Variants in DCC observed in about 807,000 individuals in gnomAD.
The protein encoded by DCC is DCC netrin 1 receptor.
A neutral mutation model predicts 172.5 loss-of-function variants in DCC; 58 were observed. That is an observed-to-expected ratio of 0.34 (90% CI 0.27 to 0.42). The LOEUF is 0.42. DCC is among the 10% of genes least tolerant of loss of function. DCC has a pLI of 1.00. For synonymous variants in DCC, 709 were observed against 644.5 expected, an observed-to-expected ratio of 1.10 and a Z score of -1.52; for missense variants, 1,740 against 1,791.0, an observed-to-expected ratio of 0.97 and a Z score of 0.51.
intron 23 of DCC, among the ~76,000 whole-genome samples, chr18:53,456,536 A>G (rs2045485426): frequency 6.6e-6 from 1 of 152,218 alleles, no homozygotes; most frequent in Non-Finnish European, 1.5e-5. Context: ...AATACAAACA[A>G]AACCAAATAA....
At chr18:53,155,660 C>T (rs2054719403) in intron 7 of DCC, among the ~76,000 whole-genome samples, 1 of 152,202 alleles carries the variant, frequency 6.6e-6, no homozygotes, top group Non-Finnish European at 1.5e-5. Flanking sequence ...TTTTTGTTAA[C>T]TTTCATCAGC....
At position 53,484,117 on chromosome 18, in the gene DCC, T is replaced by C. The variant is rs77675767; in HGVS notation, c.3737-2680T>C. Among the ~76,000 whole-genome samples, 390 of 152,004 alleles carry C rather than the reference T, an allele frequency of 2.6e-3. 8 individuals carry two copies. The East Asian group carries it at 0.067, about 26-fold the overall frequency. ...TCCCAAATTACATGCCAAAATCACA[T>C]TGTGACTTCTTATTCTGTTATTTTT... On this transcript the variant is annotated intron_variant, in intron 25 of 28. Transcript: ENST00000442544.
In DCC at chr18:53,502,071, G is replaced by A. The variant is rs1253212061; in HGVS notation, c.4111+2561G>A. On this transcript the variant is annotated intron_variant, in intron 27 of 28. Transcript: ENST00000442544. Reference sequence around the variant, plus strand: ...CCATTCTCTGATCTAATGGCAACAAGGCAAAATCTCGTTTTCTTTTATTTT... The same window carrying A: ...CCATTCTCTGATCTAATGGCAACAAAGCAAAATCTCGTTTTCTTTTATTTT... 2.6e-5 allele frequency among the ~76,000 whole-genome samples: 4 copies of A among 151,986 alleles called. No individual in the cohort carries two copies. The South Asian group carries it at 8.3e-4, about 32-fold the overall frequency.
chr18:52,487,532 C>T (rs1036073870), intron 1 of DCC, among the ~76,000 whole-genome samples: 6 of 151,966 alleles, frequency 3.9e-5, no homozygotes, highest in East Asian at 1.9e-4. Flanking sequence ...GGAAGTAGAC[C>T]GGGCACGGTG....
chr18:52,498,628 A>G (rs1426435654), intron 1 of DCC, among the ~76,000 whole-genome samples: 2 of 152,218 alleles, frequency 1.3e-5, no homozygotes, highest in African/African-American at 4.8e-5. Flanking sequence ...TGTCTCAAAA[A>G]AACAAAAAAT....
intron 5 of DCC, among the ~76,000 whole-genome samples, chr18:52,987,550 C>T (rs770935254): frequency 4.3e-4 from 65 of 152,136 alleles, no homozygotes; most frequent in Non-Finnish European, 1.5e-4. Flanking sequence ...CATGATTAAT[C>T]TTCATCTATT....
At chr18:52,499,019 G>A (rs531061594) in intron 1 of DCC, among the ~76,000 whole-genome samples, 3 of 152,234 alleles carry the variant, frequency 2.0e-5, no homozygotes, top group African/African-American at 7.2e-5. Context: ...TTCTCTGACC[G>A]TACCACCCGG....
chr18:52,542,113 A>G (rs1023248680), intron 1 of DCC, among the ~76,000 whole-genome samples: 68 of 151,248 alleles, frequency 4.5e-4, no homozygotes, highest in African/African-American at 1.6e-3. Context: ...ACTAGGACCT[A>G]TCTTGTTATA....
chr18:52,561,823 T>G (rs1272297059), intron 1 of DCC, among the ~76,000 whole-genome samples: 2 of 152,238 alleles, frequency 1.3e-5, no homozygotes, highest in Non-Finnish European at 2.9e-5. Context: ...AGCTGTTACC[T>G]GTTCAACTTC....
At chr18:53,141,946 A>G (rs568449477) in intron 7 of DCC, among the ~76,000 whole-genome samples, 33 of 152,280 alleles carry the variant, frequency 2.2e-4, no homozygotes, top group Middle Eastern at 3.4e-3. Context: ...GCTCTGAAAC[A>G]AACCCTGTCC....
chr18:53,201,110 T>C (rs2055529774), intron 9 of DCC, among the ~76,000 whole-genome samples: 1 of 152,158 alleles, frequency 6.6e-6, no homozygotes, highest in Admixed American at 6.5e-5. Context: ...TCCCACACAC[T>C]GCCTCCCTTT....
intron 1 of DCC, among the ~76,000 whole-genome samples, chr18:52,523,308 AT>A (rs2031878109): frequency 6.6e-6 from 1 of 152,150 alleles, no homozygotes; most frequent in African/African-American, 2.4e-5. Flanking sequence ...GATGATGAAT[AT>A]TTTTAACAAG....
At chr18:53,330,542 C>T (rs935350748) in intron 14 of DCC, among the ~76,000 whole-genome samples, 1 of 152,124 alleles carries the variant, frequency 6.6e-6, no homozygotes, top group African/African-American at 2.4e-5. Context: ...CTCTAGACCC[C>T]ATAGTGTTGT....
chr18:52,677,610 CT>C (rs1019345035), intron 1 of DCC, among the ~76,000 whole-genome samples: 4 of 152,052 alleles, frequency 2.6e-5, no homozygotes, highest in African/African-American at 4.8e-5. Context: ...GAAGAAATGC[CT>C]TTCTTTGGGG....
intron 7 of DCC, among the ~76,000 whole-genome samples, chr18:53,126,930 C>A (rs75545721): frequency 6.6e-6 from 1 of 152,058 alleles, no homozygotes; most frequent in Non-Finnish European, 1.5e-5. Flanking sequence ...TACTTTTATG[C>A]CAAATATGCC....
At chr18:52,416,914 T>G (rs1182923700) in intron 1 of DCC, among the ~76,000 whole-genome samples, 2 of 152,024 alleles carry the variant, frequency 1.3e-5, no homozygotes, top group South Asian at 2.1e-4. Flanking sequence ...ATCCTGTCAT[T>G]ATGATGTTAG....
At chr18:53,127,243 G>T (rs554850307) in intron 7 of DCC, among the ~76,000 whole-genome samples, 2 of 150,344 alleles carry the variant, frequency 1.3e-5, no homozygotes, top group South Asian at 4.2e-4. Flanking sequence ...TTGGCCTCAC[G>T]TGATCCTCCC....
At chr18:52,382,086 A>C (rs1985611119) in intron 1 of DCC, among the ~76,000 whole-genome samples, 1 of 152,136 alleles carries the variant, frequency 6.6e-6, no homozygotes, top group Non-Finnish European at 1.5e-5. Flanking sequence ...TGCTGCACAC[A>C]TGTACATTTT....
At chr18:53,513,898 G>C (rs2046296569) in intron 27 of DCC, among the ~76,000 whole-genome samples, 1 of 151,126 alleles carries the variant, frequency 6.6e-6, no homozygotes, top group South Asian at 2.1e-4. Context: ...ACATTAGACA[G>C]ATCAACAAGA....
Sources: gnomAD v4.1 joint callset for allele counts (sites outside exome capture counted in the v4.1 genomes callset) on GRCh38, gnomAD v4.1.1 for gene constraint, MANE v1.5 for transcripts, NCBI Gene and HGNC (gene_info 2026-07-23, HGNC 2026-07-21) for gene names.